The following CHST9 variants were observed in gnomAD, a reference collection of about 807,000 sequenced individuals.
CHST9 encodes GalNAc-4-sulfotransferase 2.
CHST9 carries 41 observed loss-of-function variants against 44.4 expected under a neutral mutation model. The ratio of observed to expected loss-of-function variants is 0.92; its 90% confidence interval spans 0.72 to 1.20. The LOEUF is 1.20. Among genes scored for constraint, CHST9 ranks in the 50% most tolerant of loss-of-function variants. The pLI is 0.00. For missense variants in CHST9, 504 were observed against 516.5 expected, an observed-to-expected ratio of 0.98 and a Z score of 0.23; for synonymous variants, 171 against 178.4, an observed-to-expected ratio of 0.96 and a Z score of 0.33.
At chr18:26,984,207 G>T (rs930520245) in intron 4 of CHST9, among the ~76,000 whole-genome samples, 1 of 152,228 alleles carries the variant, frequency 6.6e-6, no homozygotes, top group Admixed American at 6.5e-5. Context: ...CATTTATAGG[G>T]ATTTTGTGAA....
intron 1 of CHST9, among the ~76,000 whole-genome samples, chr18:27,163,905 T>C (rs913327212): frequency 2.6e-5 from 4 of 152,186 alleles, no homozygotes; most frequent in Admixed American, 2.6e-4. Flanking sequence ...TCTGTGTTGC[T>C]CATGCTGGGA....
intron 4 of CHST9, among the ~76,000 whole-genome samples, chr18:26,963,270 C>T (rs189773938): frequency 1.2e-4 from 19 of 152,192 alleles, no homozygotes; most frequent in Non-Finnish European, 2.5e-4. Context: ...ATGAAGGACT[C>T]ACTCCTCTGC....
At chr18:27,040,033 A>G (rs918130620) in intron 3 of CHST9, among the ~76,000 whole-genome samples, 1 of 152,136 alleles carries the variant, frequency 6.6e-6, no homozygotes, top group African/African-American at 2.4e-5. Flanking sequence ...GGAGGAGGAA[A>G]GGACTATATC....
intron 3 of CHST9, among the ~76,000 whole-genome samples, chr18:27,037,691 C>A (rs747320245): frequency 6.6e-6 from 1 of 152,100 alleles, no homozygotes; most frequent in Admixed American, 6.6e-5. Context: ...CAGAGAGAGA[C>A]CCTGTCTCAA....
At chr18:26,954,079 A>G (rs1450408286) in intron 4 of CHST9, among the ~76,000 whole-genome samples, 1 of 151,996 alleles carries the variant, frequency 6.6e-6, no homozygotes, top group Non-Finnish European at 1.5e-5. Context: ...CCCTCTTTTC[A>G]CCATCAAATT....
At chr18:26,980,388 T>C (rs977884031) in intron 4 of CHST9, among the ~76,000 whole-genome samples, 1 of 152,040 alleles carries the variant, frequency 6.6e-6, no homozygotes, top group Non-Finnish European at 1.5e-5. Flanking sequence ...GACCCATGAA[T>C]GAAGATAATA....
chr18:27,098,690 A>T (rs2058141874), intron 2 of CHST9, among the ~76,000 whole-genome samples: 1 of 152,146 alleles, frequency 6.6e-6, no homozygotes, highest in African/African-American at 2.4e-5. Context: ...TTCTCAGCAA[A>T]CTAACACAGG....
chr18:27,153,676 G>T (rs1415688852), intron 1 of CHST9, among the ~76,000 whole-genome samples: 1 of 151,844 alleles, frequency 6.6e-6, no homozygotes, highest in African/African-American at 2.4e-5. Context: ...CTCATTTTGA[G>T]ATCCTTAACT....
chr18:27,097,600 G>A (rs1483892973), intron 2 of CHST9, among the ~76,000 whole-genome samples: 1 of 152,058 alleles, frequency 6.6e-6, no homozygotes, highest in African/African-American at 2.4e-5. Context: ...GATCACATTT[G>A]TCAGTTTTGG....
At chr18:27,143,773 C>T (rs2058588391) in intron 1 of CHST9, among the ~76,000 whole-genome samples, 1 of 151,840 alleles carries the variant, frequency 6.6e-6, no homozygotes, top group African/African-American at 2.4e-5. Flanking sequence ...AGGGGAACAT[C>T]ACACACCAGG....
intron 4 of CHST9, among the ~76,000 whole-genome samples, chr18:27,009,910 C>T (rs928860692): frequency 2.6e-5 from 4 of 152,172 alleles, no homozygotes; most frequent in South Asian, 2.1e-4. Context: ...GAAATACACA[C>T]TTCATGAGCC....
chr18:27,173,343 A>T (rs2058846555), intron 1 of CHST9, among the ~76,000 whole-genome samples: 1 of 152,042 alleles, frequency 6.6e-6, no homozygotes, highest in African/African-American at 2.4e-5. Flanking sequence ...CCCTGGCCAG[A>T]TCTATTCTAC....
chr18:26,952,273 T>G, intron 4 of CHST9: 1 of 524,840 alleles, frequency 1.9e-6, no homozygotes. Context: ...AGTCGGCTTT[T>G]CAGGGTGTTG....
intron 1 of CHST9, among the ~76,000 whole-genome samples, chr18:27,184,586 C>T (rs527437355): frequency 6.6e-6 from 1 of 152,242 alleles, no homozygotes; most frequent in South Asian, 2.1e-4. Context: ...TCCCACCTCT[C>T]CCGCAGCCTG....
intron 3 of CHST9, among the ~76,000 whole-genome samples, chr18:27,043,200 G>A (rs2057464491): frequency 6.6e-6 from 1 of 151,932 alleles, no homozygotes; most frequent in African/African-American, 2.4e-5. Context: ...ATTCAGCCTT[G>A]CCTTGTCTCT....
chr18:27,012,293 A>G (rs1156911919), intron 4 of CHST9, among the ~76,000 whole-genome samples: 1 of 152,210 alleles, frequency 6.6e-6, no homozygotes, highest in Admixed American at 6.5e-5. Flanking sequence ...AGCCTTACTG[A>G]TAATGTAGTC....
At chr18:26,921,408 T>C (rs191912656) in intron 5 of CHST9, among the ~76,000 whole-genome samples, 39 of 152,274 alleles carry the variant, frequency 2.6e-4, no homozygotes, top group African/African-American at 8.2e-4. Flanking sequence ...TCTAACCAAA[T>C]TGAGATATGG....
At chr18:26,984,726 A>C (rs1306467061) in intron 4 of CHST9, among the ~76,000 whole-genome samples, 1 of 149,376 alleles carries the variant, frequency 6.7e-6, no homozygotes, top group African/African-American at 2.5e-5. Context: ...GATTACCAAA[A>C]GACAAAAAAA....
intron 4 of CHST9, among the ~76,000 whole-genome samples, chr18:27,016,611 G>A (rs1399336166): frequency 2.0e-5 from 3 of 152,138 alleles, no homozygotes; most frequent in East Asian, 1.9e-4. Context: ...TATATCCAGC[G>A]CCTAGCACAA....
Sources: gnomAD v4.1 joint callset for allele counts (sites outside exome capture counted in the v4.1 genomes callset) on GRCh38, gnomAD v4.1.1 for gene constraint, MANE v1.5 for transcripts, NCBI Gene and HGNC (gene_info 2026-07-23, HGNC 2026-07-21) for gene names.